The following CHST11 variants were observed in gnomAD, a reference collection of about 807,000 sequenced individuals.
CHST11 encodes the protein carbohydrate sulfotransferase 11.
CHST11 carries 9 observed loss-of-function variants against 30.4 expected under a neutral mutation model. The observed-to-expected ratio is 0.30, with a 90% CI of 0.18 to 0.52. The LOEUF (loss-of-function observed/expected upper bound fraction) is 0.52, where lower values mean the gene tolerates loss of function less well. Ranked by LOEUF, CHST11 falls within the 20% of genes least tolerant of loss-of-function variation. The probability of loss-of-function intolerance (pLI) is 0.97; values close to 1 mark genes in which losing one functional copy is unlikely to be tolerated. For synonymous variants in CHST11, 152 were observed against 187.8 expected, an observed-to-expected ratio of 0.81 and a Z score of 1.56; for missense variants, 348 against 460.6, an observed-to-expected ratio of 0.76 and a Z score of 2.24.
intron 1 of CHST11, among the ~76,000 whole-genome samples, chr12:104,534,312 G>A (rs2038215024): frequency 6.6e-6 from 1 of 152,132 alleles, no homozygotes; most frequent in African/African-American, 2.4e-5. Context: ...TGTGATATGG[G>A]CCACAAATGA....
intron 1 of CHST11, among the ~76,000 whole-genome samples, chr12:104,471,103 G>A (rs1231324958): frequency 2.6e-5 from 4 of 152,104 alleles, no homozygotes; most frequent in Non-Finnish European, 5.9e-5. Context: ...ATTACCTCTT[G>A]TGTTACCATC....
chr12:104,535,622 G>A (rs750810077), intron 1 of CHST11, among the ~76,000 whole-genome samples: 77 of 152,148 alleles, frequency 5.1e-4, no homozygotes, highest in Non-Finnish European at 1.0e-3. Context: ...TGCCAGGGTG[G>A]CTCAGTGTCT....
rs2040239261 is a variant in CHST11 at position 104,729,419 on chromosome 12, T to C, written c.205-27530T>C. Among the ~76,000 whole-genome samples the C allele has an allele frequency of 6.6e-6, 1 of 152,192 alleles. No homozygotes were observed. Among genetic ancestry groups the C allele is most frequent in the Non-Finnish European group, 1.5e-5 (1 of 68,032 alleles). On this transcript the variant is annotated intron_variant, in intron 2 of 2. Coordinates refer to ENST00000303694, the MANE Select transcript of CHST11 (RefSeq NM_018413.6). This position sits in a 1 kb window ranked among gnomAD's most constrained non-coding sequence, Gnocchi z 4.0. ...CATTAAGTACTGAGGATTCAAGCAG[T>C]GTTTCTCTGCAGACAGTTCACCCAA... is the stretch of plus-strand genomic sequence containing the variant.
chr12:104,620,213 T>C (rs2039147335), intron 2 of CHST11, among the ~76,000 whole-genome samples: 1 of 152,220 alleles, frequency 6.6e-6, no homozygotes, highest in Non-Finnish European at 1.5e-5. Flanking sequence ...CTCTCTTCAT[T>C]TGAGTTTCTC....
At chr12:104,750,495 G>A (rs2040422606) in intron 2 of CHST11, among the ~76,000 whole-genome samples, 2 of 124,922 alleles carry the variant, frequency 1.6e-5, no homozygotes, top group Non-Finnish European at 3.2e-5. Flanking sequence ...AGGCCGGAGT[G>A]CAATGGTGCA....
intron 1 of CHST11, among the ~76,000 whole-genome samples, chr12:104,588,552 A>G (rs2038827472): frequency 6.6e-6 from 1 of 152,228 alleles, no homozygotes; most frequent in Non-Finnish European, 1.5e-5. Flanking sequence ...AGACCCACCC[A>G]GGTGGCTTCC....
At chr12:104,709,411 G>A (rs957162834) in intron 2 of CHST11, among the ~76,000 whole-genome samples, 8 of 152,196 alleles carry the variant, frequency 5.3e-5, no homozygotes, top group South Asian at 2.1e-4. Flanking sequence ...ACAGGCTGTC[G>A]TCCGGTAGAG....
At chr12:104,588,790 G>T (rs1190520514) in intron 1 of CHST11, 1 of 152,356 alleles carries the variant, frequency 6.6e-6, no homozygotes, top group East Asian at 1.9e-4. Flanking sequence ...CCGCCTCAGG[G>T]TGTTGCTCCA....
chr12:104,753,903 G>A (rs1319555332), intron 2 of CHST11, among the ~76,000 whole-genome samples: 5 of 152,246 alleles, frequency 3.3e-5, no homozygotes, highest in Admixed American at 6.5e-5. Context: ...GCATCGGAGT[G>A]AGGATCTCCT....
intron 2 of CHST11, among the ~76,000 whole-genome samples, chr12:104,719,953 A>G (rs537281199): frequency 4.6e-5 from 7 of 152,352 alleles, no homozygotes; most frequent in Admixed American, 4.6e-4. Context: ...TGGTTTAGGA[A>G]TGGGTCCCTG....
intron 1 of CHST11, among the ~76,000 whole-genome samples, chr12:104,545,585 G>A (rs143696004): frequency 1.3e-5 from 2 of 152,176 alleles, no homozygotes; most frequent in Non-Finnish European, 2.9e-5. Flanking sequence ...CACTGTACCA[G>A]GTTCCATAAA....
chr12:104,484,634 T>C (rs2037658953), intron 1 of CHST11, among the ~76,000 whole-genome samples: 1 of 152,196 alleles, frequency 6.6e-6, no homozygotes, highest in South Asian at 2.1e-4. Context: ...CCAGGGACAT[T>C]GTAAGTGGTC....
chr12:104,745,315 T>A (rs1352909096), intron 2 of CHST11, among the ~76,000 whole-genome samples: 1 of 152,184 alleles, frequency 6.6e-6, no homozygotes, highest in African/African-American at 2.4e-5. Flanking sequence ...CTGTTTTTGT[T>A]CCAGTACCAT....
At position 104,701,774 on chromosome 12, in the gene CHST11, C is replaced by T. The variant is rs550244763; in HGVS notation, c.205-55175C>T. Among the ~76,000 whole-genome samples, 17 of 152,234 alleles carry T rather than the reference C, an allele frequency of 1.1e-4. No individual in the cohort carries two copies. The South Asian group carries it at 3.5e-3, about 32-fold the overall frequency. ...TAGGGGGAAGCCTGGACTTGGGCTG[C>T]CCCAGGCCGGTCTGTGTGTTCAATT... On this transcript the variant is annotated intron_variant, in intron 2 of 2. Coordinates refer to ENST00000303694, the MANE Select transcript of CHST11 (RefSeq NM_018413.6).
At chr12:104,696,229 T>C (rs555380364) in intron 2 of CHST11, among the ~76,000 whole-genome samples, 21 of 152,076 alleles carry the variant, frequency 1.4e-4, no homozygotes, top group Non-Finnish European at 2.1e-4. Context: ...TTTTTGAAGA[T>C]AAAGTGCAGC....
At chr12:104,639,138 G>A (rs1286654686) in intron 2 of CHST11, among the ~76,000 whole-genome samples, 1 of 152,198 alleles carries the variant, frequency 6.6e-6, no homozygotes, top group Non-Finnish European at 1.5e-5. Context: ...TGCAGGGCAT[G>A]TGGCAGGAAC....
In CHST11 at chr12:104,489,257, G is replaced by A. The variant is rs943623853; in HGVS notation, c.118+31728G>A. Among the ~76,000 whole-genome samples, 7 of 151,912 alleles carry A rather than the reference G, an allele frequency of 4.6e-5. No homozygotes were observed. In the South Asian group the frequency reaches 8.3e-4, roughly 18 times the overall value. The stretch of plus-strand genomic sequence containing the variant: ...TCACCATGTTGGCCATGCTGGTCTC[G>A]GACTCCTGACCTCAGGTGATCTGCC... On this transcript the variant is annotated intron_variant, in intron 1 of 2. Transcript: ENST00000303694.
At chr12:104,467,482 G>T (rs1565951864) in intron 1 of CHST11, among the ~76,000 whole-genome samples, 1 of 152,206 alleles carries the variant, frequency 6.6e-6, no homozygotes, top group Non-Finnish European at 1.5e-5. Flanking sequence ...AAAGTACAGT[G>T]TTAACCTGGT....
At chr12:104,572,764 A>G (rs979071747) in intron 1 of CHST11, among the ~76,000 whole-genome samples, 1 of 152,034 alleles carries the variant, frequency 6.6e-6, no homozygotes, top group Non-Finnish European at 1.5e-5. Context: ...CTAGCTTTTG[A>G]ATGTGTTTGC....
Sources: gnomAD v4.1 joint callset for allele counts (sites outside exome capture counted in the v4.1 genomes callset) on GRCh38, gnomAD v4.1.1 for gene constraint, Gnocchi (gnomAD v3.1) non-coding constraint, MANE v1.5 for transcripts, NCBI Gene and HGNC (gene_info 2026-07-23, HGNC 2026-07-21) for gene names.